Variants in SGCZ observed in about 807,000 individuals in gnomAD.
SGCZ encodes sarcoglycan zeta.
Under a neutral mutation model 41.3 loss-of-function variants are expected in SGCZ, and 40 were observed. That is an observed-to-expected ratio of 0.97 (90% CI 0.75 to 1.26). The LOEUF (loss-of-function observed/expected upper bound fraction) is 1.26. SGCZ is among the 50% of genes most tolerant of loss of function. The pLI is 0.00. For missense variants in SGCZ, 552 were observed against 369.8 expected (o/e 1.49, Z -4.04); for synonymous variants, 206 against 137.5 (o/e 1.50, Z -3.49).
At chr8:14,545,036 C>T (rs900020746) in intron 2 of SGCZ, among the ~76,000 whole-genome samples, 1 of 152,116 alleles carries the variant, frequency 6.6e-6, no homozygotes, top group Non-Finnish European at 1.5e-5. Context: ...TCAAGTCCTA[C>T]AGATATGTGA....
chr8:15,193,801 A>G (rs549825245), intron 1 of SGCZ, among the ~76,000 whole-genome samples: 1 of 152,298 alleles, frequency 6.6e-6, no homozygotes, highest in Admixed American at 6.5e-5. Context: ...GGCTTTACGT[A>G]ATCAATAATT....
intron 4 of SGCZ, among the ~76,000 whole-genome samples, chr8:14,228,983 G>A (rs1182461670): frequency 6.6e-6 from 1 of 152,120 alleles, no homozygotes; most frequent in Non-Finnish European, 1.5e-5. Context: ...GTTAAGCGGA[G>A]CTGGCTTTGT....
intron 2 of SGCZ, among the ~76,000 whole-genome samples, chr8:14,392,697 A>G (rs2117221504): frequency 6.6e-6 from 1 of 152,290 alleles, no homozygotes; most frequent in Non-Finnish European, 1.5e-5. Flanking sequence ...TAAAAACAGA[A>G]CAATTATTTT....
At chr8:14,905,694 A>G (rs557679590) in intron 1 of SGCZ, among the ~76,000 whole-genome samples, 47 of 152,216 alleles carry the variant, frequency 3.1e-4, no homozygotes, top group Admixed American at 3.1e-3. Flanking sequence ...GTAGAGGAAT[A>G]CGTAAGTGAA....
At chr8:14,318,964 C>T (rs146150156) in intron 3 of SGCZ, among the ~76,000 whole-genome samples, 1 of 150,578 alleles carries the variant, frequency 6.6e-6, no homozygotes, top group Non-Finnish European at 1.5e-5. Context: ...AATTAGAGAG[C>T]GTAAGGGCAA....
At chr8:14,323,174 A>G (rs1456176021) in intron 3 of SGCZ, among the ~76,000 whole-genome samples, 4 of 152,126 alleles carry the variant, frequency 2.6e-5, no homozygotes, top group Non-Finnish European at 5.9e-5. Context: ...ATGAGAAGCA[A>G]TCCTTTGTTC....
At chr8:14,423,588 G>T (rs1799694744) in intron 2 of SGCZ, among the ~76,000 whole-genome samples, 1 of 151,992 alleles carries the variant, frequency 6.6e-6, no homozygotes, top group Admixed American at 6.6e-5. Context: ...GGCTAATTTT[G>T]TATTTTTAGT....
rs73515227 is a variant in SGCZ at position 14,237,102 on chromosome 8, T to C, written c.424+490A>G. Among the ~76,000 whole-genome samples the C allele has an allele frequency of 6.5e-3, 988 of 152,254 alleles. 10 individuals are homozygous for C. The highest frequency in any genetic ancestry group is 0.023 in the African/African-American group (948 of 41,546). On this transcript the variant is annotated intron_variant, in intron 4 of 7. Coordinates refer to ENST00000382080, the MANE Select transcript of SGCZ (RefSeq NM_139167.4). ...AAAGGGATACACAGACCTAATGATGTTATCTCATGTTTCCTTAAGTTTATT... is the reference window on the plus strand; with the variant it reads ...AAAGGGATACACAGACCTAATGATGCTATCTCATGTTTCCTTAAGTTTATT...
intron 5 of SGCZ, among the ~76,000 whole-genome samples, chr8:14,120,001 AG>A (rs1159425864): frequency 2.0e-5 from 3 of 152,142 alleles, no homozygotes; most frequent in African/African-American, 7.2e-5. Context: ...GATGCTCATC[AG>A]GGATACTGGC....
At chr8:14,178,254 G>A (rs1804615612) in intron 4 of SGCZ, among the ~76,000 whole-genome samples, 1 of 152,056 alleles carries the variant, frequency 6.6e-6, no homozygotes, top group Admixed American at 6.6e-5. Flanking sequence ...ACACCTGGCT[G>A]ATTTTGTTTT....
At chr8:14,885,782 G>T (rs1004137202) in intron 1 of SGCZ, among the ~76,000 whole-genome samples, 5 of 151,616 alleles carry the variant, frequency 3.3e-5, no homozygotes, top group Non-Finnish European at 5.9e-5. Context: ...AATAATTGCA[G>T]AATCTTTGAG....
At chr8:15,171,740 G>T (rs983661247) in intron 1 of SGCZ, among the ~76,000 whole-genome samples, 1 of 152,160 alleles carries the variant, frequency 6.6e-6, no homozygotes, top group African/African-American at 2.4e-5. Flanking sequence ...TGTTGTAGAT[G>T]ATTTGCATGC....
intron 2 of SGCZ, among the ~76,000 whole-genome samples, chr8:14,515,574 T>TA (rs33920120): frequency 0.088 from 13,381 of 152,170 alleles, 925 homozygotes; most frequent in African/African-American, 0.19. Flanking sequence ...TAATACTTTT[T>TA]AGTTTATTTA....
chr8:14,748,575 T>A (rs1799405507), intron 1 of SGCZ, among the ~76,000 whole-genome samples: 1 of 152,192 alleles, frequency 6.6e-6, no homozygotes, highest in African/African-American at 2.4e-5. Flanking sequence ...TATTTCGGCA[T>A]GTTTCTCTGC....
intron 1 of SGCZ, among the ~76,000 whole-genome samples, chr8:15,055,116 T>C (rs1804658625): frequency 1.3e-5 from 2 of 152,172 alleles, no homozygotes; most frequent in South Asian, 4.1e-4. Flanking sequence ...CTTCATAATA[T>C]GGTTCCTGCC....
At chr8:14,659,066 A>C (rs756912668) in intron 1 of SGCZ, among the ~76,000 whole-genome samples, 1 of 152,164 alleles carries the variant, frequency 6.6e-6, no homozygotes, top group Non-Finnish European at 1.5e-5. Flanking sequence ...ATAAAATGGT[A>C]TATTTTATTA....
intron 1 of SGCZ, among the ~76,000 whole-genome samples, chr8:15,008,858 T>C (rs948068830): frequency 7.3e-5 from 11 of 151,234 alleles, no homozygotes; most frequent in African/African-American, 2.4e-4. Context: ...AACTTGAAAC[T>C]GACAATTTTA....
chr8:14,628,784 G>A (rs1363487634), intron 1 of SGCZ, among the ~76,000 whole-genome samples: 1 of 151,996 alleles, frequency 6.6e-6, no homozygotes, highest in Non-Finnish European at 1.5e-5. Flanking sequence ...TATCTTTCCT[G>A]TAAATATGCA....
intron 2 of SGCZ, among the ~76,000 whole-genome samples, chr8:14,400,154 T>C (rs1041609678): frequency 3.9e-5 from 6 of 152,136 alleles, no homozygotes; most frequent in Admixed American, 3.9e-4. Flanking sequence ...CACTTGGCTA[T>C]TGTTTCCAGT....
Sources: gnomAD v4.1 joint callset for allele counts (sites outside exome capture counted in the v4.1 genomes callset) on GRCh38, gnomAD v4.1.1 for gene constraint, MANE v1.5 for transcripts, NCBI Gene and HGNC (gene_info 2026-07-23, HGNC 2026-07-21) for gene names.